The following ITGA4 variants were observed in gnomAD, a reference collection of about 807,000 sequenced individuals.
The protein encoded by ITGA4 is integrin alpha-4.
A neutral mutation model predicts 133.6 loss-of-function variants in ITGA4; 63 were observed. That is an observed-to-expected ratio of 0.47 (90% CI 0.38 to 0.58). ITGA4 has a LOEUF of 0.58. Ranked by LOEUF, ITGA4 falls within the 20% of genes least tolerant of loss-of-function variation. The pLI is 0.00. For synonymous variants in ITGA4, 483 were observed against 438.0 expected (o/e 1.10, Z -1.28); for missense variants, 1,076 against 1,252.7 (o/e 0.86, Z 2.13).
intron 27 of ITGA4, among the ~76,000 whole-genome samples, 173 bp from the exon 28 acceptor site, chr2:181,535,259 A>G (rs4666787): frequency 0.84 from 127,746 of 152,058 alleles, 54,015 homozygotes; most frequent in Middle Eastern, 0.96. Flanking sequence ...TCTTTAACCC[A>G]GTATGTCCCC....
In ITGA4 at chr2:181,475,197, G is replaced by C. The variant is rs761009890; in HGVS notation, c.465G>C (p.Lys155Asn). ...GHRWKNIFYIKNENKLPTGGC... is the reference protein window; with the variant it reads ...GHRWKNIFYINNENKLPTGGC... ...GATGGAAAAATATATTTTACATAAA[G>C]AATGAAAATAAGCTCCCCACTGGTG... The change falls in exon 4 of 28, where the codon AAG (lysine) becomes AAC (asparagine). Residue 155 changes from lysine to asparagine, a missense_variant. Physicochemically the swap from Lys to Asn is moderately conservative, Grantham distance 94. This residue lies in a region of ITGA4 where 436 missense variants were observed against 590.7 expected (regional missense o/e 0.74). Transcript: ENST00000397033. 6.2e-7 allele frequency: 1 copy of C among 1,612,920 alleles called. No individual in the cohort carries two copies. The highest frequency in any genetic ancestry group is 1.1e-5 in the South Asian group (1 of 91,044).
intron 2 of ITGA4, chr2:181,459,120 G>A (rs1056027920): frequency 1.3e-5 from 2 of 152,152 alleles, no homozygotes; most frequent in African/African-American, 2.4e-5. Flanking sequence ...TCCCCTTAAA[G>A]CAACCCTGGG....
Position 181,537,784 on chromosome 2 carries a change from G to A in ITGA4, c.*2257G>A, listed in dbSNP as rs1354027087. 2.2e-6 allele frequency: 1 copy of A among 456,556 alleles called. No homozygotes were observed. Among genetic ancestry groups the A allele is most frequent in the Non-Finnish European group, 4.3e-6 (1 of 230,382 alleles). 28.3% of individuals were successfully genotyped at this position (456,556 alleles called of 1,614,324 possible). A position where few individuals can be genotyped will look rare whatever the true frequency, so the allele number is the denominator to read the frequency against. On this transcript the variant is annotated 3_prime_UTR_variant, in exon 28 of 28. Transcript: ENST00000397033. ...GATATCTAAAAACAGAATTTGAATT[G>A]ATATTTCATCTTGACTTTTAAAGCC...
At chr2:181,520,866 T>G (rs1219482505) in intron 17 of ITGA4, among the ~76,000 whole-genome samples, 1 of 152,176 alleles carries the variant, frequency 6.6e-6, no homozygotes, top group Admixed American at 6.6e-5. Flanking sequence ...AATTCATTCA[T>G]GAATCTTCAA....
At chr2:181,463,528 C>G (rs537931351) in intron 2 of ITGA4, among the ~76,000 whole-genome samples, 2 of 152,040 alleles carry the variant, frequency 1.3e-5, no homozygotes, top group Non-Finnish European at 2.9e-5. Flanking sequence ...GGAGATAGCA[C>G]TTGGTAATTA....
In ITGA4 at chr2:181,482,579, G is replaced by T. The variant is rs1685832008; in HGVS notation, c.969G>T (p.Leu323=). ...TCAATGCAGATGGCTTCTCAGATCT[G>T]CTCGTGGGAGCACCCATGCAGAGCA... The part of the protein sequence containing the change: ...VDLNADGFSD[L]LVGAPMQSTI... Residue 323 remains leucine, a synonymous_variant, in exon 9 of 28, where the codon CTG becomes CTT. Coordinates refer to ENST00000397033, the MANE Select transcript of ITGA4 (RefSeq NM_000885.6). 6.2e-7 allele frequency: 1 copy of T among 1,613,688 alleles called. No homozygotes were observed. The highest frequency in any genetic ancestry group is 8.5e-7 in the Non-Finnish European group (1 of 1,179,806).
In ITGA4 at chr2:181,537,518, G is replaced by A; in HGVS notation, c.*1991G>A. On this transcript the variant is annotated 3_prime_UTR_variant, in exon 28 of 28. Transcript: ENST00000397033. ...TTTGGCAGGTAGGCTATATAACTAT[G>A]TGATTTTGAAATTTAACTGCTCTGG... is the stretch of plus-strand genomic sequence containing the variant. 1 of 449,674 alleles carries A rather than the reference G, an allele frequency of 2.2e-6. No individual in the cohort carries two copies. The allele number at this position is 449,674 out of a possible 1,614,324, so 27.9% of individuals were successfully genotyped here.
chr2:181,531,114 C>T (rs923492511), intron 24 of ITGA4, among the ~76,000 whole-genome samples: 18 of 138,688 alleles, frequency 1.3e-4, no homozygotes, highest in African/African-American at 4.5e-4. Context: ...GACTCCATCT[C>T]AAAAAGAAAA....
intron 10 of ITGA4, among the ~76,000 whole-genome samples, chr2:181,490,521 G>C (rs912939930): frequency 6.5e-5 from 6 of 92,370 alleles, no homozygotes; most frequent in Admixed American, 4.0e-4. Flanking sequence ...GTGTGTGTGT[G>C]TGTGTCTGTG....
At chr2:181,515,273 T>C (rs1256645745) in intron 17 of ITGA4, among the ~76,000 whole-genome samples, 1 of 152,060 alleles carries the variant, frequency 6.6e-6, no homozygotes, top group Admixed American at 6.6e-5. Context: ...TAGACCTCTT[T>C]CCTCATTGCT....
In ITGA4 at chr2:181,537,706, CAA is replaced by C; in HGVS notation, c.*2181_*2182del. The C allele has an allele frequency of 2.4e-6, 1 of 424,114 alleles. No individual in the cohort carries two copies. The highest frequency in any genetic ancestry group is 1.7e-5 in the South Asian group (1 of 59,152). 26.3% of individuals were successfully genotyped at this position (424,114 alleles called of 1,614,324 possible). A position where few individuals can be genotyped will look rare whatever the true frequency, so the allele number is the denominator to read the frequency against. On this transcript the variant is annotated 3_prime_UTR_variant, in exon 28 of 28. Transcript: ENST00000397033. Reference sequence around the variant, plus strand: ...AAATATTGATGTATTATGATGGTTGCAAAGTTTTTTTGTGTGTCCAATAAACA... The same window carrying C: ...AAATATTGATGTATTATGATGGTTGCAGTTTTTTTGTGTGTCCAATAAACA...
chr2:181,529,657 G>A lies in ITGA4; in HGVS notation c.2538+9G>A, dbSNP rs1201279475. On this transcript the variant is annotated intron_variant, in intron 23 of 27. Transcript: ENST00000397033. ...ACATTTTGGATGTCCAGGTAAAAAT[G>A]TATTTCTTCCATCTAACCTTTATTG... The A allele has an allele frequency of 1.4e-6, 2 of 1,390,324 alleles. No individual in the cohort carries two copies. The highest frequency in any genetic ancestry group is 1.4e-5 in the African/African-American group (1 of 70,450). The allele number at this position is 1,390,324 out of a possible 1,614,324, so 86.1% of individuals were successfully genotyped here.
At chr2:181,529,499 A>G (rs752152234) in intron 22 of ITGA4, 42 bp from the exon 23 acceptor site, 23 of 971,336 alleles carry the variant, frequency 2.4e-5, no homozygotes, top group Non-Finnish European at 3.6e-5. Flanking sequence ...TTACATTTAT[A>G]GAAAACATTT....
intron 2 of ITGA4, among the ~76,000 whole-genome samples, chr2:181,463,154 A>G (rs1685327427): frequency 6.6e-6 from 1 of 152,190 alleles, no homozygotes; most frequent in African/African-American, 2.4e-5. Flanking sequence ...CTGTGTGTAT[A>G]AAGACCCTGA....
chr2:181,537,861 C>CACACAGCAGG lies in ITGA4; in HGVS notation c.*2336_*2345dup. 3.8e-6 allele frequency: 2 copies of CACACAGCAGG among 519,934 alleles called. No homozygotes were observed. The highest frequency in any genetic ancestry group is 7.4e-6 in the Non-Finnish European group (2 of 270,146). 32.2% of individuals were successfully genotyped at this position (519,934 alleles called of 1,614,324 possible). On this transcript the variant is annotated 3_prime_UTR_variant, in exon 28 of 28. Coordinates refer to ENST00000397033, the MANE Select transcript of ITGA4 (RefSeq NM_000885.6). ...ATTTCTATTAGGATATCCGTTTGGC[C>CACACAGCAGG]ACACAGCAGGAGGTTAGAGCAATGG...
rs1428977352 is a variant in ITGA4 at position 181,537,982 on chromosome 2, G to C, written c.*2455G>C. ...GGTGAACTGGTATGTGAGGGATCTA[G>C]AGTGCCATGTTCCTCAAGAGAATCT... On this transcript the variant is annotated 3_prime_UTR_variant, in exon 28 of 28. Coordinates refer to ENST00000397033, the MANE Select transcript of ITGA4 (RefSeq NM_000885.6). 3 of 668,646 alleles carry C rather than the reference G, an allele frequency of 4.5e-6. No individual in the cohort carries two copies. In the South Asian group the frequency reaches 4.5e-5, roughly 10 times the overall value. 41.4% of individuals were successfully genotyped at this position (668,646 alleles called of 1,614,324 possible).
intron 6 of ITGA4, among the ~76,000 whole-genome samples, chr2:181,480,712 C>G (rs1685782059): frequency 6.6e-6 from 1 of 152,086 alleles, no homozygotes; most frequent in African/African-American, 2.4e-5. Flanking sequence ...GTGGTACTGT[C>G]CACCACATTC....
At chr2:181,467,455 GC>G (rs1685446720) in intron 2 of ITGA4, among the ~76,000 whole-genome samples, 3 of 152,096 alleles carry the variant, frequency 2.0e-5, no homozygotes, top group South Asian at 4.1e-4. Flanking sequence ...AGCTCTCCTA[GC>G]CAAAAAGTAT....
chr2:181,460,351 A>G (rs754915528), intron 2 of ITGA4, among the ~76,000 whole-genome samples: 2 of 152,208 alleles, frequency 1.3e-5, no homozygotes, highest in Non-Finnish European at 2.9e-5. Context: ...TTTATTCCTC[A>G]TGTAAAGAAA....
Sources: allele counts gnomAD v4.1 joint callset (sites outside exome capture counted in the v4.1 genomes callset), GRCh38; gene constraint gnomAD v4.1.1; regional missense constraint gnomAD v4.1.1; transcripts MANE v1.5; gene names NCBI Gene and HGNC (gene_info 2026-07-23, HGNC 2026-07-21).